The following SYN2 variants were observed in gnomAD, a reference collection of about 807,000 sequenced individuals.
The protein encoded by SYN2 is synapsin II.
A neutral mutation model predicts 50.9 loss-of-function variants in SYN2; 19 were observed. The observed-to-expected ratio is 0.37, with a 90% CI of 0.26 to 0.55. The LOEUF is 0.55. SYN2 is among the 20% of genes least tolerant of loss of function. The pLI, the probability that SYN2 is intolerant of heterozygous loss-of-function variation, is 0.81. For synonymous variants in SYN2, 255 were observed against 224.9 expected (o/e 1.13, Z -1.20); for missense variants, 587 against 576.4 (o/e 1.02, Z -0.19).
intron 4 of SYN2, among the ~76,000 whole-genome samples, chr3:12,150,089 A>G (rs1298389369): frequency 6.6e-6 from 1 of 152,180 alleles, no homozygotes; most frequent in South Asian, 2.1e-4. Flanking sequence ...TCCCTGGCTT[A>G]TGTGCCAGTA....
chr3:12,170,356 G>A (rs1363323068), intron 10 of SYN2, among the ~76,000 whole-genome samples: 1 of 152,172 alleles, frequency 6.6e-6, no homozygotes, highest in Non-Finnish European at 1.5e-5. Context: ...GTCTGGAAAG[G>A]GGAGAGTCAG....
rs1366030822 is a variant in SYN2, at chr3:12,187,397, GC to G, written c.1403del (p.Pro468GlnfsTer76). On this transcript the variant is annotated frameshift_variant, in exon 12 of 13. Transcript: ENST00000621198. LOFTEE classifies it high-confidence loss of function. Reference sequence around the variant, plus strand: ...GCCCTGGGCAACCCCAAGGAATGCAGCCCCCAGGCAAGGTGCTGCCTCCACG... The same window carrying G: ...GCCCTGGGCAACCCCAAGGAATGCAGCCCCAGGCAAGGTGCTGCCTCCACG... ...GGPGQPQGMQ[P>X]PGKVLPPRRL... 3.9e-6 allele frequency: 6 copies of G among 1,549,328 alleles called. No homozygotes were observed. The highest frequency in any genetic ancestry group is 2.4e-5 in the East Asian group (1 of 40,872).
At chr3:12,054,559 CT>C (rs1420489926) in intron 1 of SYN2, among the ~76,000 whole-genome samples, 1 of 152,088 alleles carries the variant, frequency 6.6e-6, no homozygotes, top group Non-Finnish European at 1.5e-5. Flanking sequence ...TCTGAAAAAT[CT>C]ACCAATTCTC....
chr3:12,091,224 A>G (rs1203861260), intron 1 of SYN2, among the ~76,000 whole-genome samples: 2 of 152,170 alleles, frequency 1.3e-5, no homozygotes, highest in Non-Finnish European at 2.9e-5. Context: ...TAAAATTGGT[A>G]CTACAAAAAG....
At chr3:12,061,702 C>A (rs1695115945) in intron 1 of SYN2, among the ~76,000 whole-genome samples, 1 of 151,786 alleles carries the variant, frequency 6.6e-6, no homozygotes, top group South Asian at 2.1e-4. Context: ...TTCCAGGACA[C>A]AAGGTGAGTA....
chr3:12,089,310 A>G (rs547280465), intron 1 of SYN2, among the ~76,000 whole-genome samples: 40 of 152,146 alleles, frequency 2.6e-4, no homozygotes, highest in African/African-American at 9.2e-4. Context: ...GTATAGGGGA[A>G]CTCCCATATA....
intron 1 of SYN2, among the ~76,000 whole-genome samples, chr3:12,137,317 G>A (rs1696917290): frequency 6.6e-6 from 1 of 152,054 alleles, no homozygotes; most frequent in East Asian, 1.9e-4. Flanking sequence ...GACTGTGTGG[G>A]AAAACTAAGG....
chr3:12,070,739 C>G lies in SYN2; in HGVS notation c.377+65811C>G, dbSNP rs181738971. 1.5e-4 allele frequency: 125 copies of G among 807,848 alleles called. 1 individual carries two copies. In the East Asian group the frequency reaches 5.0e-3, roughly 32 times the overall value. The allele number at this position is 807,848 out of a possible 1,614,324, so 50.0% of individuals were successfully genotyped here. The stretch of plus-strand genomic sequence containing the variant: ...ACTCATACAGTGCCCATCTACGAGG[C>G]CTAAGCCCTCCCCCATGCCGTCCTG... On this transcript the variant is annotated intron_variant, in intron 1 of 12. Coordinates refer to ENST00000621198, the MANE Select transcript of SYN2 (RefSeq NM_133625.6).
intron 1 of SYN2, among the ~76,000 whole-genome samples, chr3:12,021,593 A>G (rs557481902): frequency 2.0e-5 from 3 of 152,222 alleles, no homozygotes; most frequent in African/African-American, 7.2e-5. Flanking sequence ...AAATAAATAA[A>G]TTTTTAAAAA....
chr3:12,017,765 G>A (rs1694054426), intron 1 of SYN2, among the ~76,000 whole-genome samples: 2 of 152,186 alleles, frequency 1.3e-5, no homozygotes, highest in Admixed American at 1.3e-4. Context: ...GCCTTCAAGT[G>A]AGGATAGGAG....
At chr3:12,175,436 C>T (rs1698042893) in intron 10 of SYN2, among the ~76,000 whole-genome samples, 1 of 152,218 alleles carries the variant, frequency 6.6e-6, no homozygotes, top group African/African-American at 2.4e-5. Context: ...GACTTGCTCA[C>T]AGGCATTGTC....
intron 1 of SYN2, among the ~76,000 whole-genome samples, chr3:12,134,529 C>A (rs960906021): frequency 6.6e-6 from 1 of 152,234 alleles, no homozygotes; most frequent in African/African-American, 2.4e-5. Flanking sequence ...CCTACTCATT[C>A]TTTAAGACTC....
At chr3:12,146,847 C>A (rs1419226809) in intron 4 of SYN2, among the ~76,000 whole-genome samples, 1 of 152,176 alleles carries the variant, frequency 6.6e-6, no homozygotes, top group East Asian at 1.9e-4. Flanking sequence ...CTACTTCAGG[C>A]TGGCCCTCTC....
intron 1 of SYN2, among the ~76,000 whole-genome samples, chr3:12,115,671 A>G (rs1696418310): frequency 6.6e-6 from 1 of 152,160 alleles, no homozygotes; most frequent in Non-Finnish European, 1.5e-5. Context: ...TTAAATCCCA[A>G]GGGGTTCTGG....
At chr3:12,042,939 G>A (rs1438505000) in intron 1 of SYN2, among the ~76,000 whole-genome samples, 8 of 152,198 alleles carry the variant, frequency 5.3e-5, no homozygotes, top group Middle Eastern at 3.4e-3. Flanking sequence ...AACATAGCCC[G>A]GCCAACACAC....
At chr3:12,166,004 A>G (rs1340417465) in intron 7 of SYN2, among the ~76,000 whole-genome samples, 2 of 152,186 alleles carry the variant, frequency 1.3e-5, no homozygotes, top group Non-Finnish European at 2.9e-5. Context: ...AGCAGGGGCA[A>G]GAATTTCAGC....
rs774052681 is a variant in SYN2, at chr3:12,023,368, C to A, written c.377+18440C>A. On this transcript the variant is annotated intron_variant, in intron 1 of 12. Coordinates refer to ENST00000621198, the MANE Select transcript of SYN2 (RefSeq NM_133625.6). ...GTTTATAAAGTAGTATTTTCCCCCCCCACCCCCAAAGAAACAGTGAAGAAG... is the reference window on the plus strand; with the variant it reads ...GTTTATAAAGTAGTATTTTCCCCCCACACCCCCAAAGAAACAGTGAAGAAG... Among the ~76,000 whole-genome samples, 57 of 151,630 alleles carry A rather than the reference C, an allele frequency of 3.8e-4. 1 individual carries two copies. The highest frequency in any genetic ancestry group is 3.5e-3 in the Admixed American group (54 of 15,224).
At chr3:12,068,537 A>G (rs961834650) in intron 1 of SYN2, among the ~76,000 whole-genome samples, 10 of 152,296 alleles carry the variant, frequency 6.6e-5, no homozygotes, top group Admixed American at 6.5e-4. Context: ...AAGCCTTTCA[A>G]TTCTGAGATA....
At chr3:12,107,377 T>C (rs1696215915) in intron 1 of SYN2, among the ~76,000 whole-genome samples, 2 of 152,224 alleles carry the variant, frequency 1.3e-5, no homozygotes, top group Non-Finnish European at 2.9e-5. Flanking sequence ...TTATGAGTGA[T>C]GGATGTCGTT....
Sources: gnomAD v4.1 joint callset for allele counts (sites outside exome capture counted in the v4.1 genomes callset) on GRCh38, gnomAD v4.1.1 for gene constraint, MANE v1.5 for transcripts, NCBI Gene and HGNC (gene_info 2026-07-23, HGNC 2026-07-21) for gene names.